Variants in RBFOX1 observed in about 807,000 individuals in gnomAD.
RBFOX1 encodes RNA binding protein fox-1 homolog 1.
RBFOX1 carries 8 observed loss-of-function variants against 57.7 expected under a neutral mutation model. That is an observed-to-expected ratio of 0.14 (90% CI 0.08 to 0.25). RBFOX1 has a LOEUF of 0.25. Ranked by LOEUF, RBFOX1 falls within the 10% of genes least tolerant of loss-of-function variation. The pLI is 1.00. For missense variants in RBFOX1, 611 were observed against 548.5 expected (o/e 1.11, Z -1.14); for synonymous variants, 326 against 222.4 (o/e 1.47, Z -4.15).
At chr16:6,375,085 C>T (rs2090990901) in intron 2 of RBFOX1, among the ~76,000 whole-genome samples, 2 of 152,144 alleles carry the variant, frequency 1.3e-5, no homozygotes, top group African/African-American at 4.8e-5. Flanking sequence ...CGTTTGCAGG[C>T]TAATGGGAGT....
intron 2 of RBFOX1, among the ~76,000 whole-genome samples, chr16:5,598,351 C>T (rs2047255793): frequency 6.6e-6 from 1 of 152,048 alleles, no homozygotes; most frequent in South Asian, 2.1e-4. Flanking sequence ...ACGAGGAGTC[C>T]ACACTGAGAA....
intron 3 of RBFOX1, among the ~76,000 whole-genome samples, chr16:5,714,445 C>A (rs8058924): frequency 0.67 from 101,652 of 152,012 alleles, 34,931 homozygotes; most frequent in Non-Finnish European, 0.72. Flanking sequence ...AGCTGAAGCT[C>A]GAAGAGACCA....
chr16:7,665,575 T>G (rs8044409), intron 13 of RBFOX1, among the ~76,000 whole-genome samples: 98,912 of 151,982 alleles, frequency 0.65, 32,455 homozygotes, highest in Admixed American at 0.73. Context: ...TAGTAACACT[T>G]TAAGTTTATT....
chr16:6,914,952 C>T (rs760568695), intron 3 of RBFOX1, among the ~76,000 whole-genome samples: 7 of 152,168 alleles, frequency 4.6e-5, no homozygotes, highest in Non-Finnish European at 8.8e-5. Context: ...AGAAGTAAAT[C>T]GGATAGTGCC....
At chr16:7,377,319 G>A (rs2097702881) in intron 4 of RBFOX1, among the ~76,000 whole-genome samples, 1 of 152,166 alleles carries the variant, frequency 6.6e-6, no homozygotes, top group Non-Finnish European at 1.5e-5. Flanking sequence ...ACGTGAGGTG[G>A]TGGCATGTAT....
intron 2 of RBFOX1, among the ~76,000 whole-genome samples, chr16:6,522,430 A>G (rs544471256): frequency 2.6e-4 from 40 of 152,218 alleles, no homozygotes; most frequent in South Asian, 6.2e-4. Flanking sequence ...TCGTATTGGG[A>G]AGATTTTTTT....
chr16:6,733,673 G>C (rs1225042710), intron 3 of RBFOX1, among the ~76,000 whole-genome samples: 1 of 152,118 alleles, frequency 6.6e-6, no homozygotes. Context: ...TGGGCAGGTC[G>C]CATGAGCCCA....
chr16:6,095,709 G>GAAAAAGA (rs796589518), intron 1 of RBFOX1, among the ~76,000 whole-genome samples: 1 of 130,474 alleles, frequency 7.7e-6, no homozygotes, highest in African/African-American at 2.8e-5. Flanking sequence ...GAAAGAAAAA[G>GAAAAAGA]AAAAAAAAAA....
intron 3 of RBFOX1, among the ~76,000 whole-genome samples, chr16:5,657,983 C>T (rs1014836715): frequency 5.9e-5 from 9 of 152,004 alleles, no homozygotes; most frequent in East Asian, 1.9e-4. Context: ...CCACCCACCT[C>T]GGCCTCCCAA....
chr16:5,653,647 A>G (rs114633215), intron 3 of RBFOX1, among the ~76,000 whole-genome samples: 4,713 of 152,236 alleles, frequency 0.031, 245 homozygotes, highest in African/African-American at 0.11. Context: ...CCGCATGTGC[A>G]GCTGCCGCTC....
chr16:5,925,533 G>T (rs2058922435), intron 4 of RBFOX1, among the ~76,000 whole-genome samples: 1 of 152,170 alleles, frequency 6.6e-6, no homozygotes, highest in Non-Finnish European at 1.5e-5. Context: ...ATGATTAGTG[G>T]TTGAACAGGA....
At chr16:6,657,090 CCCCTT>C (rs2098663033) in intron 3 of RBFOX1, among the ~76,000 whole-genome samples, 1 of 112,534 alleles carries the variant, frequency 8.9e-6, no homozygotes, top group African/African-American at 3.9e-5. Flanking sequence ...TTCCTCTCCT[CCCCTT>C]TACTCTCCTC....
At chr16:5,476,581 C>G (rs2069332602) in intron 2 of RBFOX1, among the ~76,000 whole-genome samples, 1 of 152,192 alleles carries the variant, frequency 6.6e-6, no homozygotes, top group Non-Finnish European at 1.5e-5. Context: ...GTCCATCTTA[C>G]CGGGTCATTG....
At chr16:6,173,383 C>A (rs1439122706) in intron 1 of RBFOX1, among the ~76,000 whole-genome samples, 1 of 152,116 alleles carries the variant, frequency 6.6e-6, no homozygotes, top group Non-Finnish European at 1.5e-5. Flanking sequence ...ATGGGTGAGA[C>A]CTTGGTTAGT....
chr16:6,524,114 C>T (rs1217005293), intron 2 of RBFOX1, among the ~76,000 whole-genome samples: 1 of 152,010 alleles, frequency 6.6e-6, no homozygotes, highest in Non-Finnish European at 1.5e-5. Context: ...TTTCATGTAC[C>T]CATTAACCAC....
intron 3 of RBFOX1, among the ~76,000 whole-genome samples, chr16:6,712,349 G>A (rs761267131): frequency 5.3e-5 from 8 of 152,106 alleles, no homozygotes; most frequent in South Asian, 2.1e-4. Context: ...CCGAGACCAC[G>A]TTGTTGAAAT....
chr16:6,575,295 G>C (rs1567738369), intron 2 of RBFOX1, among the ~76,000 whole-genome samples: 1 of 152,092 alleles, frequency 6.6e-6, no homozygotes, highest in Non-Finnish European at 1.5e-5. Flanking sequence ...TATGCATGTT[G>C]TTTGGTCCTT....
intron 1 of RBFOX1, among the ~76,000 whole-genome samples, chr16:5,353,561 T>C (rs1253106150): frequency 6.6e-6 from 1 of 152,012 alleles, no homozygotes; most frequent in East Asian, 1.9e-4. Flanking sequence ...TAGATTCTGG[T>C]GAGGTCGTTT....
rs368974576 is a variant in RBFOX1 at position 6,258,545 on chromosome 16, C to G, written c.-126-58450C>G. On this transcript the variant is annotated intron_variant, in intron 1 of 15. Coordinates refer to ENST00000550418, the MANE Select transcript of RBFOX1 (RefSeq NM_018723.4). ...TCCTCTGCTCAAAAACCTTCAGTGGCTCCCTATTGCTTATCAGATCAACTC... is the reference window on the plus strand; with the variant it reads ...TCCTCTGCTCAAAAACCTTCAGTGGGTCCCTATTGCTTATCAGATCAACTC... Among the ~76,000 whole-genome samples, 12 of 152,326 alleles carry G rather than the reference C, an allele frequency of 7.9e-5. No homozygotes were observed. The East Asian group carries it at 1.2e-3, about 15-fold the overall frequency.
Sources: allele counts gnomAD v4.1 joint callset (sites outside exome capture counted in the v4.1 genomes callset), GRCh38; gene constraint gnomAD v4.1.1; transcripts MANE v1.5; gene names NCBI Gene and HGNC (gene_info 2026-07-23, HGNC 2026-07-21).